CREB3L2: variants seen among roughly 807,000 people sequenced by gnomAD.
CREB3L2 encodes cyclic AMP-responsive element-binding protein 3-like protein 2.
A neutral mutation model predicts 57.2 loss-of-function variants in CREB3L2; 23 were observed. The ratio of observed to expected loss-of-function variants is 0.40; its 90% CI spans 0.29 to 0.57. The LOEUF (loss-of-function observed/expected upper bound fraction) is 0.57. Ranked by LOEUF, CREB3L2 falls within the 20% of genes least tolerant of loss-of-function variation. CREB3L2 has a pLI of 0.42. For missense variants in CREB3L2, 628 were observed against 634.7 expected, an observed-to-expected ratio of 0.99 and a Z score of 0.11; for synonymous variants, 268 against 265.1, an observed-to-expected ratio of 1.01 and a Z score of -0.11.
chr7:137,954,850 G>A (rs978722221), intron 1 of CREB3L2, among the ~76,000 whole-genome samples: 5 of 152,260 alleles, frequency 3.3e-5, no homozygotes, highest in South Asian at 2.1e-4. Flanking sequence ...ACAGAAGTCG[G>A]AACAACTGCC....
At chr7:137,937,024 C>T (rs900351182) in intron 1 of CREB3L2, among the ~76,000 whole-genome samples, 4 of 152,180 alleles carry the variant, frequency 2.6e-5, no homozygotes, top group Non-Finnish European at 5.9e-5. Context: ...GGGCTGGCAA[C>T]AAGAGGCCCA....
chr7:137,982,730 T>C (rs1801731644), intron 1 of CREB3L2, among the ~76,000 whole-genome samples: 1 of 152,138 alleles, frequency 6.6e-6, no homozygotes, highest in Admixed American at 6.5e-5. Flanking sequence ...GGTATGTCTT[T>C]ATCAGCAGCA....
At chr7:137,935,511 T>C (rs1800760391) in intron 1 of CREB3L2, among the ~76,000 whole-genome samples, 1 of 152,202 alleles carries the variant, frequency 6.6e-6, no homozygotes, top group African/African-American at 2.4e-5. Flanking sequence ...ATTTGACACA[T>C]TTTTCCTTTT....
intron 2 of CREB3L2, among the ~76,000 whole-genome samples, chr7:137,921,279 AC>A (rs1250667333): frequency 1.3e-5 from 2 of 152,180 alleles, no homozygotes; most frequent in African/African-American, 2.4e-5. Context: ...AAGAAGAACA[AC>A]CCCCATATCA....
At position 138,001,496 on chromosome 7, in the gene CREB3L2, G is replaced by GGGA. The variant is rs1291125287; in HGVS notation, c.102+107_102+108insTCC. On this transcript the variant is annotated intron_variant, in intron 1 of 11. Transcript: ENST00000330387. This position sits in a 1 kb window ranked among gnomAD's most constrained non-coding sequence, Gnocchi z 4.2. Reference sequence around the variant, plus strand: ...CCCAGGACCTCTTGATTCTGACCATGCCCTGCCCCAAACCCTGCCTTCCCG... The same window carrying GGGA: ...CCCAGGACCTCTTGATTCTGACCATGGGACCCTGCCCCAAACCCTGCCTTCCCG... The GGGA allele has an allele frequency of 2.7e-5, 20 of 747,932 alleles. No individual in the cohort carries two copies. The African/African-American group carries it at 3.5e-4, about 13-fold the overall frequency. The allele number at this position is 747,932 out of a possible 1,614,324, so 46.3% of individuals were successfully genotyped here. A position where few individuals can be genotyped will look rare whatever the true frequency, so the allele number is the denominator to read the frequency against.
At chr7:137,957,514 C>A (rs1801240476) in intron 1 of CREB3L2, among the ~76,000 whole-genome samples, 1 of 152,138 alleles carries the variant, frequency 6.6e-6, no homozygotes, top group South Asian at 2.1e-4. Context: ...CCCAAGTCCT[C>A]CTTCACCCTA....
At chr7:137,895,041 A>G (rs1000655451) in intron 8 of CREB3L2, among the ~76,000 whole-genome samples, 11 of 152,242 alleles carry the variant, frequency 7.2e-5, no homozygotes, top group Non-Finnish European at 1.5e-4. Context: ...ATGATTCTAC[A>G]AATCCATGCT....
Position 137,901,298 on chromosome 7 carries a change from T to C in CREB3L2, c.1043+56A>G, listed in dbSNP as rs10274835. 3.1e-3 allele frequency: 3,493 copies of C among 1,129,936 alleles called. 71 individuals carry two copies. In the African/African-American group the frequency reaches 0.048, roughly 15 times the overall value. 70.0% of individuals were successfully genotyped at this position (1,129,936 alleles called of 1,614,324 possible). On this transcript the variant is annotated intron_variant, in intron 8 of 11. Transcript: ENST00000330387. Reference sequence around the variant, plus strand: ...ATCCCTGGTTCTGGATTCTATCCTCTTCCTTCCCCATCTTCCATTGGTAGC... The same window carrying C: ...ATCCCTGGTTCTGGATTCTATCCTCCTCCTTCCCCATCTTCCATTGGTAGC...
intron 1 of CREB3L2, among the ~76,000 whole-genome samples, chr7:137,989,187 C>T (rs1024254881): frequency 6.6e-6 from 1 of 152,142 alleles, no homozygotes; most frequent in Non-Finnish European, 1.5e-5. Flanking sequence ...GCAGTTCGTG[C>T]TCTCGCCTGG....
chr7:137,976,640 G>A (rs1174732401), intron 1 of CREB3L2, among the ~76,000 whole-genome samples: 1 of 152,156 alleles, frequency 6.6e-6, no homozygotes, highest in African/African-American at 2.4e-5. Flanking sequence ...ATGCATTACA[G>A]AGTAAGTTGC....
At chr7:137,892,564 C>T (rs535214272) in intron 8 of CREB3L2, among the ~76,000 whole-genome samples, 16 of 152,136 alleles carry the variant, frequency 1.1e-4, no homozygotes, top group Admixed American at 5.2e-4. Flanking sequence ...GAACAAGAAT[C>T]GCTTGAACCC....
chr7:137,875,970 G>A lies in CREB3L2; in HGVS notation c.*4506C>T, dbSNP rs1455105970. 1.3e-5 allele frequency: 3 copies of A among 227,454 alleles called. No individual in the cohort carries two copies. The highest frequency in any genetic ancestry group is 2.6e-5 in the Non-Finnish European group (3 of 114,628). 14.1% of individuals were successfully genotyped at this position (227,454 alleles called of 1,614,324 possible). On this transcript the variant is annotated 3_prime_UTR_variant, in exon 12 of 12. Transcript: ENST00000330387. ...CTGACCCTTTGACCACAAAGGCATG[G>A]AACATTAATCTTCAAATGAGCCAGG...
chr7:137,876,508 C>G lies in CREB3L2; in HGVS notation c.*3968G>C. 1 of 232,976 alleles carries G rather than the reference C, an allele frequency of 4.3e-6. No individual in the cohort carries two copies. The highest frequency in any genetic ancestry group is 8.5e-6 in the Non-Finnish European group (1 of 117,920). The allele number at this position is 232,976 out of a possible 1,614,324, so 14.4% of individuals were successfully genotyped here. Reference sequence around the variant, plus strand: ...ACTCTTCCTTATGAAACTGAAAAGTCTTAGGAGTAACTGAATGAGTGAGTG... The same window carrying G: ...ACTCTTCCTTATGAAACTGAAAAGTGTTAGGAGTAACTGAATGAGTGAGTG... On this transcript the variant is annotated 3_prime_UTR_variant, in exon 12 of 12. Transcript: ENST00000330387.
chr7:137,954,096 C>A (rs1801159650), intron 1 of CREB3L2, among the ~76,000 whole-genome samples: 1 of 152,072 alleles, frequency 6.6e-6, no homozygotes. Context: ...TCTGAAGTTC[C>A]ACAAACATAA....
At position 137,875,590 on chromosome 7, in the gene CREB3L2, C is replaced by T. The variant is rs1012246401; in HGVS notation, c.*4886G>A. ...CTCCAGCACGAAGGGAAGCGATGAG[C>T]ATCACACAGCAGGGCCATTGCAGGG... On this transcript the variant is annotated 3_prime_UTR_variant, in exon 12 of 12. Transcript: ENST00000330387. 2.0e-4 allele frequency: 46 copies of T among 224,526 alleles called. No individual in the cohort carries two copies. Among genetic ancestry groups the T allele is most frequent in the Non-Finnish European group, 2.7e-4 (30 of 112,592 alleles). 13.9% of individuals were successfully genotyped at this position (224,526 alleles called of 1,614,324 possible). A position where few individuals can be genotyped will look rare whatever the true frequency, so the allele number is the denominator to read the frequency against.
At chr7:137,951,964 T>G (rs1261921989) in intron 1 of CREB3L2, among the ~76,000 whole-genome samples, 1 of 152,190 alleles carries the variant, frequency 6.6e-6, no homozygotes, top group Non-Finnish European at 1.5e-5. Flanking sequence ...CACTATAACC[T>G]GGGTGACAGA....
chr7:137,978,242 C>T (rs916370597), intron 1 of CREB3L2, among the ~76,000 whole-genome samples: 3 of 152,180 alleles, frequency 2.0e-5, no homozygotes, highest in Admixed American at 6.5e-5. Flanking sequence ...ACAGAGATAA[C>T]TCTCTATATA....
intron 1 of CREB3L2, among the ~76,000 whole-genome samples, chr7:137,969,168 T>C (rs1460066916): frequency 2.6e-5 from 4 of 152,134 alleles, no homozygotes; most frequent in Non-Finnish European, 5.9e-5. Flanking sequence ...AGAATGTGCA[T>C]GATGATATCA....
chr7:137,971,294 CA>C (rs1184716359), intron 1 of CREB3L2, among the ~76,000 whole-genome samples: 1 of 151,852 alleles, frequency 6.6e-6, no homozygotes, highest in African/African-American at 2.4e-5. Flanking sequence ...ACTAAAAATA[CA>C]AAAAATTAGC....
Sources: allele counts gnomAD v4.1 joint callset (sites outside exome capture counted in the v4.1 genomes callset), GRCh38; gene constraint gnomAD v4.1.1; non-coding constraint Gnocchi (gnomAD v3.1); transcripts MANE v1.5; gene names NCBI Gene and HGNC (gene_info 2026-07-23, HGNC 2026-07-21).